Variants in KCNJ13 observed in about 807,000 individuals in gnomAD.
KCNJ13 encodes the protein potassium inwardly rectifying channel subfamily J member 13.
Under a neutral mutation model 24.6 loss-of-function variants are expected in KCNJ13, and 9 were observed. The ratio of observed to expected loss-of-function variants is 0.37; its 90% confidence interval spans 0.22 to 0.64. The LOEUF (loss-of-function observed/expected upper bound fraction) is 0.64. Ranked by LOEUF, KCNJ13 falls within the 30% of genes least tolerant of loss-of-function variation. KCNJ13 has a pLI of 0.64. For missense variants in KCNJ13, 337 were observed against 443.8 expected, an observed-to-expected ratio of 0.76 and a Z score of 2.16; for synonymous variants, 148 against 154.7, an observed-to-expected ratio of 0.96 and a Z score of 0.32.
At chr2:232,769,607 GGACT>G (rs1393860837) in intron 2 of KCNJ13, among the ~76,000 whole-genome samples, 5 of 152,008 alleles carry the variant, frequency 3.3e-5, no homozygotes, top group African/African-American at 4.8e-5. Flanking sequence ...GGGCAGGGGA[GGACT>G]GACTATCAGG....
chr2:232,771,936 T>C (rs1048600586), intron 1 of KCNJ13, among the ~76,000 whole-genome samples: 9 of 152,166 alleles, frequency 5.9e-5, no homozygotes, highest in Non-Finnish European at 1.3e-4. Context: ...CTTTTAGAGG[T>C]TTGTAGTTCT....
chr2:232,776,251 AT>A (rs1699507928), intron 1 of KCNJ13, among the ~76,000 whole-genome samples, 193 bp downstream of exon 1: 1 of 152,226 alleles, frequency 6.6e-6, no homozygotes, highest in African/African-American at 2.4e-5. Context: ...CCAGTAATAC[AT>A]TCAATATGGC....
intron 1 of KCNJ13, 69 bp downstream of exon 1, chr2:232,776,376 A>G (rs1368281775): frequency 8.4e-7 from 1 of 1,196,156 alleles, no homozygotes; most frequent in Non-Finnish European, 1.2e-6. Context: ...CTCTGTTGCT[A>G]TTTGCCAGTC....
intron 1 of KCNJ13, among the ~76,000 whole-genome samples, chr2:232,773,127 TTTTATAA>T (rs1699337234): frequency 1.3e-5 from 2 of 152,172 alleles, no homozygotes; most frequent in African/African-American, 4.8e-5. Context: ...TATTTTAATG[TTTTATAA>T]CTTATTACCC....
chr2:232,771,902 G>GAC lies in KCNJ13; in HGVS notation c.-16-526_-16-525dup, dbSNP rs1277474907. Among the ~76,000 whole-genome samples the GAC allele has an allele frequency of 5.9e-5, 9 of 152,272 alleles. No individual in the cohort carries two copies. The South Asian group carries it at 1.9e-3, about 32-fold the overall frequency. ...TCCTTTGAAGCCAGATTTAGTATAGGACAAGGCTTACATTTGTGGTAAGCT... is the reference window on the plus strand; with the variant it reads ...TCCTTTGAAGCCAGATTTAGTATAGGACACAAGGCTTACATTTGTGGTAAGCT... On this transcript the variant is annotated intron_variant, in intron 1 of 2. Coordinates refer to ENST00000233826, the MANE Select transcript of KCNJ13 (RefSeq NM_002242.4).
In KCNJ13 at chr2:232,771,246, T is replaced by C. The variant is rs770239517; in HGVS notation, c.117A>G (p.Ala39=). 35 of 1,609,770 alleles carry C rather than the reference T, an allele frequency of 2.2e-5. No homozygotes were observed. The highest frequency in any genetic ancestry group is 8.4e-5 in the Admixed American group (5 of 59,844). The change falls in exon 2 of 3, where the codon GCA becomes GCG. Residue 39 remains alanine (A), a synonymous_variant. Coordinates refer to ENST00000233826, the MANE Select transcript of KCNJ13 (RefSeq NM_002242.4). Reference sequence around the variant, plus strand: ...GGATTCCCCAAGCATCTCGAAGATATGCAAGACCTCTTTGAGCGCCATCCA... The same window carrying C: ...GGATTCCCCAAGCATCTCGAAGATACGCAAGACCTCTTTGAGCGCCATCCA... ...LQMDGAQRGL[A]YLRDAWGILM...
Position 232,768,607 on chromosome 2 carries a change from CCA to C in KCNJ13, c.665_666del (p.Val222GlyfsTer5). On this transcript the variant is annotated frameshift_variant, in exon 3 of 3. Coordinates refer to ENST00000233826, the MANE Select transcript of KCNJ13 (RefSeq NM_002242.4). LOFTEE classifies it high-confidence loss of function. ...RENGKLYQTS[V>X]DFHLDGISSD... ...GAACTGATGCCATCAAGGTGGAAATCCACACTGGTCTGGTAGAGTTTGCCATT... is the reference window on the plus strand; with the variant it reads ...GAACTGATGCCATCAAGGTGGAAATCCACTGGTCTGGTAGAGTTTGCCATT... The C allele has an allele frequency of 6.2e-7, 1 of 1,614,092 alleles. No homozygotes were observed. The highest frequency in any genetic ancestry group is 8.5e-7 in the Non-Finnish European group (1 of 1,180,014).
At position 232,771,285 on chromosome 2, in the gene KCNJ13, G is replaced by A. The variant is rs1480397172; in HGVS notation, c.78C>T (p.His26=). The A allele has an allele frequency of 6.2e-7, 1 of 1,610,066 alleles. No individual in the cohort carries two copies. ...GAGCGCCATCCATTTGAAGTGTGCT[G>A]TGGCCATCCTTGGTGACCATCCTCC... ...RYRRMVTKDG[H]STLQMDGAQR... The change falls in exon 2 of 3, where the codon CAC becomes CAT. Residue 26 remains histidine (H), a synonymous_variant. Coordinates refer to ENST00000233826, the MANE Select transcript of KCNJ13 (RefSeq NM_002242.4).
In KCNJ13 at chr2:232,767,083, A is replaced by G. The variant is rs1349697926; in HGVS notation, c.*1108T>C. On this transcript the variant is annotated 3_prime_UTR_variant, in exon 3 of 3. Transcript: ENST00000233826. ...AAAAAACAGAGGAAACATAATTTTT[A>G]TAGACTATTAGATTTAGAAAGAAAT... The G allele has an allele frequency of 2.0e-5, 3 of 152,228 alleles. No homozygotes were observed. Among genetic ancestry groups the G allele is most frequent in the Admixed American group, 6.5e-5 (1 of 15,280 alleles). The allele number at this position is 152,228 out of a possible 1,614,324, so 9.4% of individuals were successfully genotyped here.
At position 232,768,143 on chromosome 2, in the gene KCNJ13, C is replaced by T. The variant is rs369373214; in HGVS notation, c.*48G>A. On this transcript the variant is annotated 3_prime_UTR_variant, in exon 3 of 3. Coordinates refer to ENST00000233826, the MANE Select transcript of KCNJ13 (RefSeq NM_002242.4). ...ATGAGATACAGTAAAGAAAAAGTAG[C>T]TGCATAACTGGCTGGGTGTATTTAA... 1.9e-6 allele frequency: 3 copies of T among 1,587,932 alleles called. No individual in the cohort carries two copies. The highest frequency in any genetic ancestry group is 2.7e-5 in the African/African-American group (2 of 74,378).
chr2:232,774,186 A>C (rs1188108460), intron 1 of KCNJ13, among the ~76,000 whole-genome samples: 1 of 152,120 alleles, frequency 6.6e-6, no homozygotes, highest in Non-Finnish European at 1.5e-5. Flanking sequence ...AATATTATAC[A>C]TTCTGAGTCC....
intron 1 of KCNJ13, 60 bp downstream of exon 1, chr2:232,776,385 T>C (rs1436357554): frequency 7.4e-6 from 10 of 1,354,554 alleles, no homozygotes; most frequent in Non-Finnish European, 1.0e-5. Context: ...TATTTGCCAG[T>C]CAGTTTCTTT....
chr2:232,771,217 A>G lies in KCNJ13; in HGVS notation c.146T>C (p.Met49Thr), dbSNP rs771136440. ...CATCATCCAACGCCAGCGCATGTCC[A>G]TTAGGATTCCCCAAGCATCTCGAAG... is the stretch of plus-strand genomic sequence containing the variant. ...AYLRDAWGIL[M>T]DMRWRWMMLV... The change falls in exon 2 of 3, where the codon ATG becomes ACG. Residue 49 changes from methionine to threonine, a missense_variant. This residue lies in a region of KCNJ13 where 101 missense variants were observed against 139.2 expected (regional missense o/e 0.73). Transcript: ENST00000233826. 5.0e-6 allele frequency: 8 copies of G among 1,612,240 alleles called. No individual in the cohort carries two copies. The highest frequency in any genetic ancestry group is 1.7e-4 in the Middle Eastern group (1 of 6,054).
intron 2 of KCNJ13, among the ~76,000 whole-genome samples, chr2:232,769,841 C>G (rs1474650002): frequency 2.0e-5 from 3 of 152,108 alleles, no homozygotes; most frequent in African/African-American, 7.2e-5. Flanking sequence ...TATTATAGTA[C>G]TATATGTGCC....
chr2:232,770,828 C>G, intron 2 of KCNJ13, 75 bp downstream of exon 2: 1 of 976,492 alleles, frequency 1.0e-6, no homozygotes, highest in Admixed American at 2.0e-5. Context: ...ACTGACTATA[C>G]CCTTTCCAAA....
intron 2 of KCNJ13, among the ~76,000 whole-genome samples, chr2:232,769,999 A>T (rs1341122343): frequency 6.6e-6 from 1 of 152,152 alleles, no homozygotes. Flanking sequence ...TGCCTGTAGG[A>T]GATGCCAAAT....
At chr2:232,771,557 A>G (rs1185591867) in intron 1 of KCNJ13, 179 bp from the exon 2 acceptor site, 1 of 523,304 alleles carries the variant, frequency 1.9e-6, no homozygotes, top group Non-Finnish European at 3.4e-6. Flanking sequence ...TTGGGAGCTA[A>G]TTGTGTGTTA....
intron 1 of KCNJ13, among the ~76,000 whole-genome samples, chr2:232,772,270 C>T (rs1047977794): frequency 2.0e-5 from 3 of 152,022 alleles, no homozygotes; most frequent in African/African-American, 4.8e-5. Flanking sequence ...CAACCATGTT[C>T]GTGGATTCTT....
intron 1 of KCNJ13, among the ~76,000 whole-genome samples, chr2:232,772,160 C>T (rs1434229428): frequency 6.6e-6 from 1 of 152,164 alleles, no homozygotes; most frequent in Non-Finnish European, 1.5e-5. Context: ...GCCATCTTCC[C>T]ACTTCAGCCT....
Sources: allele counts gnomAD v4.1 joint callset (sites outside exome capture counted in the v4.1 genomes callset), GRCh38; gene constraint gnomAD v4.1.1; regional missense constraint gnomAD v4.1.1; transcripts MANE v1.5; gene names NCBI Gene and HGNC (gene_info 2026-07-23, HGNC 2026-07-21).